NRG1: variants seen among roughly 807,000 people sequenced by gnomAD.
The protein encoded by NRG1 is pro-neuregulin-1, membrane-bound isoform.
A neutral mutation model predicts 63.8 loss-of-function variants in NRG1; 18 were observed. That is an observed-to-expected ratio of 0.28 (90% CI 0.19 to 0.42). The LOEUF (loss-of-function observed/expected upper bound fraction) is 0.42. Ranked by LOEUF, NRG1 falls within the 10% of genes least tolerant of loss-of-function variation. The probability of loss-of-function intolerance (pLI) is 1.00; values close to 1 mark genes in which losing one functional copy is unlikely to be tolerated. For synonymous variants in NRG1, 302 were observed against 301.3 expected, an observed-to-expected ratio of 1.00 and a Z score of -0.02; for missense variants, 762 against 814.7, an observed-to-expected ratio of 0.94 and a Z score of 0.79.
At chr8:32,406,034 G>A (rs187588342) in intron 1 of NRG1, among the ~76,000 whole-genome samples, 1 of 152,278 alleles carries the variant, frequency 6.6e-6, no homozygotes, top group East Asian at 1.9e-4. Context: ...TGGGCTATGT[G>A]TCTTTGGGTT....
intron 1 of NRG1, among the ~76,000 whole-genome samples, chr8:31,727,157 ACATTTAAGGAGCTTAC>A (rs1813535120): frequency 6.6e-6 from 1 of 152,190 alleles, no homozygotes; most frequent in Non-Finnish European, 1.5e-5. Flanking sequence ...TAAGTTCCCT[ACATTTAAGGAGCTTAC>A]CATCTAGTGG....
intron 5 of NRG1, among the ~76,000 whole-genome samples, chr8:32,663,822 C>T (rs914813968): frequency 6.6e-6 from 1 of 152,102 alleles, no homozygotes; most frequent in Non-Finnish European, 1.5e-5. Context: ...CAGTTCAGCC[C>T]GTGCCTGCAG....
At chr8:32,637,758 C>T (rs1851605860) in intron 5 of NRG1, among the ~76,000 whole-genome samples, 1 of 152,146 alleles carries the variant, frequency 6.6e-6, no homozygotes, top group Non-Finnish European at 1.5e-5. Context: ...AGCCTGTTCT[C>T]AGGGGAAGTT....
intron 1 of NRG1, among the ~76,000 whole-genome samples, chr8:32,526,127 GC>G (rs775719520): frequency 6.6e-6 from 1 of 152,118 alleles, no homozygotes; most frequent in Non-Finnish European, 1.5e-5. Flanking sequence ...GCTCAGCTTG[GC>G]CCCCTACTTT....
At chr8:32,274,568 C>T (rs1168168156) in intron 1 of NRG1, among the ~76,000 whole-genome samples, 2 of 152,166 alleles carry the variant, frequency 1.3e-5, no homozygotes, top group Non-Finnish European at 2.9e-5. Context: ...ACACACTTTA[C>T]AGGGAAAGAA....
At position 32,741,563 on chromosome 8, in the gene NRG1, A is replaced by G. The variant is rs757827512; in HGVS notation, c.633-1112A>G. The stretch of plus-strand genomic sequence containing the variant: ...ACTTGTAACATAAAACACCCATGAA[A>G]TAAATACACAATTGAAATAAGTATA... On this transcript the variant is annotated intron_variant, in intron 6 of 11. Coordinates refer to ENST00000356819, the Ensembl canonical transcript of NRG1. 2.3e-4 allele frequency among the ~76,000 whole-genome samples: 35 copies of G among 152,322 alleles called. No individual in the cohort carries two copies. In the Middle Eastern group the frequency reaches 0.01, roughly 44 times the overall value.
intron 1 of NRG1, among the ~76,000 whole-genome samples, chr8:32,214,831 C>T (rs1260561734): frequency 1.3e-5 from 2 of 152,140 alleles, no homozygotes; most frequent in African/African-American, 4.8e-5. Context: ...AGTCATGTAA[C>T]TAAACTCTGA....
chr8:31,804,556 T>A (rs529670903), intron 1 of NRG1, among the ~76,000 whole-genome samples: 3 of 152,266 alleles, frequency 2.0e-5, no homozygotes, highest in South Asian at 2.1e-4. Context: ...ACCTGTTATA[T>A]ATCTCTCTAG....
intron 1 of NRG1, among the ~76,000 whole-genome samples, chr8:31,668,683 A>T (rs151072366): frequency 1.3e-5 from 2 of 152,306 alleles, no homozygotes; most frequent in East Asian, 1.9e-4. Flanking sequence ...AGTCCTTTTT[A>T]TCTTTAGTCT....
intron 1 of NRG1, among the ~76,000 whole-genome samples, chr8:32,366,677 G>GTGCATATATA (rs1164696498): frequency 1.1e-5 from 1 of 87,522 alleles, no homozygotes; most frequent in Non-Finnish European, 2.2e-5. Flanking sequence ...GTGTGTGTGT[G>GTGCATATATA]TATATATATA....
chr8:32,512,677 G>A (rs923293671), intron 1 of NRG1, among the ~76,000 whole-genome samples: 3 of 152,292 alleles, frequency 2.0e-5, no homozygotes, highest in African/African-American at 7.2e-5. Flanking sequence ...TAGTGGAAGA[G>A]CAGGAATTGA....
At chr8:31,907,088 G>T (rs1303052928) in intron 1 of NRG1, among the ~76,000 whole-genome samples, 1 of 152,116 alleles carries the variant, frequency 6.6e-6, no homozygotes, top group African/African-American at 2.4e-5. Flanking sequence ...GGGGCCCACT[G>T]ACTGTAAGGG....
intron 5 of NRG1, among the ~76,000 whole-genome samples, chr8:32,685,484 G>A (rs1032068855): frequency 6.6e-6 from 1 of 152,100 alleles, no homozygotes; most frequent in African/African-American, 2.4e-5. Flanking sequence ...ACCATCACAA[G>A]CAAATTCTGA....
chr8:31,724,609 AT>A (rs34946053), intron 1 of NRG1, among the ~76,000 whole-genome samples: 36,626 of 151,570 alleles, frequency 0.24, 4,632 homozygotes, highest in Admixed American at 0.28. Context: ...GGATGCCAAC[AT>A]TTTTTTTTAT....
chr8:31,897,134 A>G (rs1284210765), intron 1 of NRG1, among the ~76,000 whole-genome samples: 2 of 152,182 alleles, frequency 1.3e-5, no homozygotes, highest in Non-Finnish European at 2.9e-5. Flanking sequence ...TGAAAATACA[A>G]TTCTAAGCCT....
Position 32,601,366 on chromosome 8 carries a change from C to G in NRG1, c.279-4196C>G, listed in dbSNP as rs374684947. On this transcript the variant is annotated intron_variant, in intron 2 of 11. Transcript: ENST00000356819. ...TAATCTTTCTCTGCACAGAGATATT[C>G]TTGTAGGAATGTGCTTGGCAGGTGG... 1.2e-4 allele frequency among the ~76,000 whole-genome samples: 19 copies of G among 152,254 alleles called. No individual in the cohort carries two copies. In the East Asian group the frequency reaches 3.5e-3, roughly 28 times the overall value.
intron 9 of NRG1, among the ~76,000 whole-genome samples, chr8:32,756,817 T>G (rs1829783365): frequency 6.6e-6 from 1 of 151,894 alleles, no homozygotes; most frequent in African/African-American, 2.4e-5. Flanking sequence ...GTGGAGAGAG[T>G]GGGGAGAAAA....
intron 1 of NRG1, among the ~76,000 whole-genome samples, chr8:32,291,291 G>A (rs1363291229): frequency 6.6e-6 from 1 of 152,058 alleles, no homozygotes; most frequent in African/African-American, 2.4e-5. Context: ...ACCAAATGTT[G>A]GGTCTCCTCA....
intron 1 of NRG1, among the ~76,000 whole-genome samples, chr8:31,871,766 T>A (rs2129611647): frequency 6.6e-6 from 1 of 152,286 alleles, no homozygotes; most frequent in Non-Finnish European, 1.5e-5. Flanking sequence ...AAAAAATACC[T>A]AAAAAATTGA....
Sources: gnomAD v4.1 joint callset for allele counts (sites outside exome capture counted in the v4.1 genomes callset) on GRCh38, gnomAD v4.1.1 for gene constraint, MANE v1.5 for transcripts, NCBI Gene and HGNC (gene_info 2026-07-23, HGNC 2026-07-21) for gene names.